CIAPIN1: variants seen among roughly 807,000 people sequenced by gnomAD.
CIAPIN1 encodes anamorsin.
CIAPIN1 carries 18 observed loss-of-function variants against 34.3 expected under a neutral mutation model. That is an observed-to-expected ratio of 0.52 (90% CI 0.36 to 0.78). The LOEUF is 0.78. Ranked by LOEUF, CIAPIN1 falls within the 30% of genes least tolerant of loss-of-function variation. CIAPIN1 has a pLI of 0.00. For synonymous variants in CIAPIN1, 131 were observed against 140.4 expected (o/e 0.93, Z 0.47); for missense variants, 310 against 372.5 (o/e 0.83, Z 1.38).
intron 1 of CIAPIN1, among the ~76,000 whole-genome samples, chr16:57,444,633 T>C (rs1293228966): frequency 6.6e-6 from 1 of 152,248 alleles, no homozygotes; most frequent in South Asian, 2.1e-4. Flanking sequence ...ACTAATCTTA[T>C]GGCAAGAGGA....
At chr16:57,447,107 C>T (rs2030111670) in intron 1 of CIAPIN1, among the ~76,000 whole-genome samples, 1 of 152,214 alleles carries the variant, frequency 6.6e-6, no homozygotes, top group Non-Finnish European at 1.5e-5. Flanking sequence ...GACGAGGCAG[C>T]CGGGGAACGG....
At chr16:57,435,339 G>A (rs1325104703) in intron 4 of CIAPIN1, among the ~76,000 whole-genome samples, 5 of 152,210 alleles carry the variant, frequency 3.3e-5, no homozygotes, top group African/African-American at 4.8e-5. Flanking sequence ...GCAGAACAGT[G>A]AGCCAATTAA....
At chr16:57,434,355 C>T in intron 4 of CIAPIN1, 143 bp from the exon 5 acceptor site, 1 of 717,988 alleles carries the variant, frequency 1.4e-6, no homozygotes, top group Non-Finnish European at 2.3e-6. Context: ...TTATGCCTCA[C>T]ATTCAGTTTC....
intron 3 of CIAPIN1, 117 bp downstream of exon 3, chr16:57,439,065 A>T (rs1903266877): frequency 1.0e-6 from 1 of 955,158 alleles, no homozygotes; most frequent in South Asian, 1.9e-5. Flanking sequence ...CCCAAGGAAA[A>T]GGTTTTGCTA....
At chr16:57,430,683 G>T in intron 7 of CIAPIN1, 1 of 287,820 alleles carries the variant, frequency 3.5e-6, no homozygotes. Context: ...TTCCTGATTT[G>T]TAAATGCTGG....
chr16:57,430,529 G>A, intron 7 of CIAPIN1, 190 bp from the exon 8 acceptor site: 2 of 603,436 alleles, frequency 3.3e-6, no homozygotes, highest in Non-Finnish European at 5.9e-6. Flanking sequence ...GAGGATGAGG[G>A]AAGTACCGTG....
rs572680484 is a variant in CIAPIN1 at position 57,429,637 on chromosome 16, G to A, written c.829-357C>T. On this transcript the variant is annotated intron_variant, in intron 8 of 8. Transcript: ENST00000394391. The stretch of plus-strand genomic sequence containing the variant: ...CTCCCAAGTAGCTGGGACTACAGGC[G>A]CCCGCTACCATGCCCGGCAAATTTT... Among the ~76,000 whole-genome samples the A allele has an allele frequency of 1.5e-3, 232 of 151,500 alleles. 1 individual carries two copies. Among genetic ancestry groups the A allele is most frequent in the South Asian group, 4.4e-3 (21 of 4,790 alleles).
At chr16:57,442,591 G>A (rs1262825563) in intron 1 of CIAPIN1, among the ~76,000 whole-genome samples, 1 of 152,056 alleles carries the variant, frequency 6.6e-6, no homozygotes, top group Non-Finnish European at 1.5e-5. Context: ...GTGGAGGAGA[G>A]GGCCTGAGGT....
At chr16:57,446,459 A>G (rs1016851047) in intron 1 of CIAPIN1, among the ~76,000 whole-genome samples, 3 of 152,250 alleles carry the variant, frequency 2.0e-5, no homozygotes, top group African/African-American at 7.2e-5. Context: ...GCACAACTTT[A>G]ACAGACACAA....
chr16:57,446,127 T>C (rs532941837), intron 1 of CIAPIN1, among the ~76,000 whole-genome samples: 5 of 152,310 alleles, frequency 3.3e-5, no homozygotes, highest in African/African-American at 1.2e-4. Flanking sequence ...ATTACAGGCA[T>C]GAGCCTGGCC....
chr16:57,434,346 T>C, intron 4 of CIAPIN1, 134 bp from the exon 5 acceptor site: 3 of 760,246 alleles, frequency 3.9e-6, no homozygotes, highest in Non-Finnish European at 6.6e-6. Flanking sequence ...GATAACACTT[T>C]ATGCCTCACA....
intron 1 of CIAPIN1, among the ~76,000 whole-genome samples, chr16:57,445,816 TAGACTA>T (rs1323302551): frequency 1.4e-5 from 2 of 142,266 alleles, no homozygotes; most frequent in Non-Finnish European, 3.0e-5. Flanking sequence ...TCTAGACACT[TAGACTA>T]AGACCTTAGA....
At chr16:57,444,016 G>T (rs2029953457) in intron 1 of CIAPIN1, among the ~76,000 whole-genome samples, 1 of 152,132 alleles carries the variant, frequency 6.6e-6, no homozygotes, top group Non-Finnish European at 1.5e-5. Flanking sequence ...CCACCTACTA[G>T]ACTACCACAA....
chr16:57,439,759 G>A lies in CIAPIN1; in HGVS notation c.158-425C>T, dbSNP rs572899374. Among the ~76,000 whole-genome samples the A allele has an allele frequency of 2.6e-5, 4 of 152,312 alleles. No individual in the cohort carries two copies. The South Asian group carries it at 8.3e-4, about 32-fold the overall frequency. On this transcript the variant is annotated intron_variant, in intron 2 of 8. Transcript: ENST00000394391. ...TCACTTCCTCAGTCAATACTCTTGT[G>A]ATTTCCTATGCCTGTCTTTACTTTA...
chr16:57,429,738 C>T (rs1464980419), intron 8 of CIAPIN1, among the ~76,000 whole-genome samples: 1 of 151,086 alleles, frequency 6.6e-6, no homozygotes, highest in Non-Finnish European at 1.5e-5. Context: ...GTGATCCGCC[C>T]TCCTTGGCCT....
intron 2 of CIAPIN1, among the ~76,000 whole-genome samples, 180 bp downstream of exon 2, chr16:57,440,592 T>C (rs1903307598): frequency 6.6e-6 from 1 of 152,158 alleles, no homozygotes; most frequent in South Asian, 2.1e-4. Context: ...GAAAAGAACC[T>C]ACGTTGAATT....
intron 1 of CIAPIN1, among the ~76,000 whole-genome samples, chr16:57,447,065 C>T (rs1295200907): frequency 1.3e-5 from 2 of 152,222 alleles, no homozygotes; most frequent in Non-Finnish European, 2.9e-5. Flanking sequence ...GTGGTGTCCC[C>T]GGGGCCTCAG....
Position 57,440,984 on chromosome 16 carries a change from C to T in CIAPIN1, c.-55-1G>A. ...ACTGCTGGCCAAAAGGGAATCAAGA[C>T]TGGGCAGAGACAAAGTGCAATTTAA... On this transcript the variant is annotated splice_acceptor_variant, in intron 1 of 8. Transcript: ENST00000394391. LOFTEE classifies it low-confidence loss of function (5UTR_SPLICE). The T allele has an allele frequency of 6.4e-7, 1 of 1,563,442 alleles. No homozygotes were observed.
At chr16:57,431,338 C>T in intron 6 of CIAPIN1, 72 bp from the exon 7 acceptor site, 1 of 1,013,818 alleles carries the variant, frequency 9.9e-7, no homozygotes, top group East Asian at 2.4e-5. Context: ...TGACTGCAGG[C>T]TTCGAGAGGA....
Sources: allele counts gnomAD v4.1 joint callset (sites outside exome capture counted in the v4.1 genomes callset), GRCh38; gene constraint gnomAD v4.1.1; transcripts MANE v1.5; gene names NCBI Gene and HGNC (gene_info 2026-07-23, HGNC 2026-07-21).